The following GOLGA2 variants were observed in gnomAD, a reference collection of about 807,000 sequenced individuals.
GOLGA2 encodes the protein golgin A2.
In GOLGA2, 49 loss-of-function variants were observed where a neutral mutation model predicts 148.8. The observed-to-expected ratio is 0.33, with a 90% CI of 0.26 to 0.42. GOLGA2 has a LOEUF of 0.42. Among genes scored for constraint, GOLGA2 ranks in the 10% least tolerant of loss-of-function variants. The pLI, the probability that GOLGA2 is intolerant of heterozygous loss-of-function variation, is 1.00. For missense variants in GOLGA2, 1,178 were observed against 1,304.6 expected, an observed-to-expected ratio of 0.90 and a Z score of 1.49; for synonymous variants, 501 against 511.8, an observed-to-expected ratio of 0.98 and a Z score of 0.28.
At position 128,258,242 on chromosome 9, in the gene GOLGA2, TG is replaced by T. The variant is rs769005883; in HGVS notation, c.2290-45del. 1 of 1,449,684 alleles carries T rather than the reference TG, an allele frequency of 6.9e-7. No individual in the cohort carries two copies. Among genetic ancestry groups the T allele is most frequent in the East Asian group, 2.4e-5 (1 of 41,646 alleles). 89.8% of individuals were successfully genotyped at this position (1,449,684 alleles called of 1,614,324 possible). A position where few individuals can be genotyped will look rare whatever the true frequency, so the allele number is the denominator to read the frequency against. Reference sequence around the variant, plus strand: ...CATTCTTGTAGGAGGATATATAGGATGAACAGGGCAGGGAGGTAGAGAGCAG... The same window carrying T: ...CATTCTTGTAGGAGGATATATAGGATAACAGGGCAGGGAGGTAGAGAGCAG... On this transcript the variant is annotated intron_variant, in intron 22 of 26. Coordinates refer to ENST00000611957, the MANE Select transcript of GOLGA2 (RefSeq NM_001366244.2). The surrounding 1 kb of genome is among the most constrained non-coding windows in gnomAD (Gnocchi z 6.6).
At chr9:128,267,373 G>A (rs1309541538) in intron 7 of GOLGA2, 85 bp downstream of exon 7, 3 of 1,434,940 alleles carry the variant, frequency 2.1e-6, no homozygotes, top group Admixed American at 1.7e-5. Flanking sequence ...GTCTCAGCTG[G>A]CAGAGGGGCA....
At chr9:128,270,129 A>ATT (rs776425049) in intron 3 of GOLGA2, among the ~76,000 whole-genome samples, 23,126 of 115,044 alleles carry the variant, frequency 0.2, 3,562 homozygotes, top group African/African-American at 0.42. Context: ...GAGGAAGGGA[A>ATT]TTTTTTTTTT....
At chr9:128,270,611 G>A (rs536932066) in intron 3 of GOLGA2, among the ~76,000 whole-genome samples, 7 of 152,090 alleles carry the variant, frequency 4.6e-5, no homozygotes, top group African/African-American at 1.4e-4. Flanking sequence ...CCTACTTCTG[G>A]AAATGTTATC....
chr9:128,266,542 A>G lies in GOLGA2; in HGVS notation c.643-217T>C, dbSNP rs1588487053. On this transcript the variant is annotated intron_variant, in intron 8 of 26. Transcript: ENST00000611957. The surrounding 1 kb of genome is among the most constrained non-coding windows in gnomAD (Gnocchi z 4.2). ...CACAGCCACAGAACTGAAAGTCTGA[A>G]TCTCGATTCTCTTGAAAGGACAGTA... is the stretch of plus-strand genomic sequence containing the variant. The G allele has an allele frequency of 1.7e-6, 1 of 602,032 alleles. No individual in the cohort carries two copies. Among genetic ancestry groups the G allele is most frequent in the East Asian group, 2.8e-5 (1 of 36,116 alleles). The allele number at this position is 602,032 out of a possible 1,614,324, so 37.3% of individuals were successfully genotyped here.
chr9:128,267,886 A>G (rs752767043), intron 6 of GOLGA2, 48 bp downstream of exon 6: 4 of 1,391,750 alleles, frequency 2.9e-6, no homozygotes, highest in South Asian at 2.3e-5. Flanking sequence ...AGTTTCTATC[A>G]TAGTTCCCTT....
intron 1 of GOLGA2, 43 bp from the exon 2 acceptor site, chr9:128,274,015 C>T (rs1389418708): frequency 6.3e-7 from 1 of 1,591,222 alleles, no homozygotes; most frequent in African/African-American, 1.3e-5. Context: ...ATCTACAAGC[C>T]CCCACAGTTA....
At position 128,268,177 on chromosome 9, in the gene GOLGA2, G is replaced by A. The variant is rs542097796; in HGVS notation, c.394-17C>T. 5.6e-4 allele frequency: 896 copies of A among 1,606,080 alleles called. 18 individuals carry two copies. The South Asian group carries it at 9.3e-3, about 17-fold the overall frequency. On this transcript the variant is annotated splice_polypyrimidine_tract_variant and intron_variant, in intron 4 of 26. Coordinates refer to ENST00000611957, the MANE Select transcript of GOLGA2 (RefSeq NM_001366244.2). ...ATCATGATTCTGTTTGGGAAGAAAC[G>A]TGTGAGATGGTCATTCAATTTCTGG...
chr9:128,257,694 T>G lies in GOLGA2; in HGVS notation c.2625A>C (p.Ala875=). 1 of 1,613,970 alleles carries G rather than the reference T, an allele frequency of 6.2e-7. No individual in the cohort carries two copies. The highest frequency in any genetic ancestry group is 8.5e-7 in the Non-Finnish European group (1 of 1,179,888). The stretch of plus-strand genomic sequence containing the variant: ...GCACTGCCCTCTGGCTCTGGTACAG[T>G]GCAATGTACTCTCCTGCGGGAGGAC... ...GETDTIGEYI[A]LYQSQRAVLK... Residue 875 remains alanine (A), a synonymous_variant, in exon 25 of 27, where the codon GCA becomes GCC. Transcript: ENST00000611957. The surrounding 1 kb of genome is among the most constrained non-coding windows in gnomAD (Gnocchi z 8.0).
At position 128,258,039 on chromosome 9, in the gene GOLGA2, C is replaced by A. The variant is rs746477553; in HGVS notation, c.2449G>T (p.Gly817Cys). ...TGGGTCTCCCCACACACAGAATCAC[C>A]CCCGGTCCCTGGGGCTGGGGCTGCT... ...EAAAPAPGTG[G>C]DSVCGETHRA... The change falls in exon 23 of 27, where the codon GGT (glycine) becomes TGT (cysteine). Residue 817 changes from glycine to cysteine, a missense_variant. Around this residue, in one of 5 missense-constraint regions of GOLGA2, gnomAD observed 529 missense variants for 521.8 expected, o/e 1.01. Transcript: ENST00000611957. The surrounding 1 kb of genome is among the most constrained non-coding windows in gnomAD (Gnocchi z 6.6). 1.2e-6 allele frequency: 2 copies of A among 1,612,282 alleles called. No homozygotes were observed. Among genetic ancestry groups the A allele is most frequent in the African/African-American group, 2.7e-5 (2 of 75,030 alleles).
Position 128,258,276 on chromosome 9 carries a change from C to A in GOLGA2, c.2290-78G>T. ...CAGGGAGGTAGAGAGCAGCCCTTCCCTTGGGGCCTCAGAGGGTGCACTTGT... is the reference window on the plus strand; with the variant it reads ...CAGGGAGGTAGAGAGCAGCCCTTCCATTGGGGCCTCAGAGGGTGCACTTGT... On this transcript the variant is annotated intron_variant, in intron 22 of 26. Coordinates refer to ENST00000611957, the MANE Select transcript of GOLGA2 (RefSeq NM_001366244.2). This position sits in a 1 kb window ranked among gnomAD's most constrained non-coding sequence, Gnocchi z 6.6. 1 of 1,238,996 alleles carries A rather than the reference C, an allele frequency of 8.1e-7. No homozygotes were observed. Among genetic ancestry groups the A allele is most frequent in the East Asian group, 2.5e-5 (1 of 40,696 alleles). The allele number at this position is 1,238,996 out of a possible 1,614,324, so 76.8% of individuals were successfully genotyped here.
chr9:128,257,130 G>T lies in GOLGA2; in HGVS notation c.3027C>A (p.Asn1009Lys), dbSNP rs1829916178. ...NPRERPGLGSNPCIPFFYRAD... is the reference protein window; with the variant it reads ...NPRERPGLGSKPCIPFFYRAD... ...CCCGGTAAAAAAAAGGAATGCAGGG[G>T]TTGCTGCCCAAGCCTGGGCGCTCCC... Residue 1009 changes from asparagine (N) to lysine (K), a missense_variant, in exon 27 of 27, where the codon AAC becomes AAA. Asn to Lys is a moderately conservative substitution (Grantham distance 94). Around this residue, in one of 5 missense-constraint regions of GOLGA2, gnomAD observed 149 missense variants for 154.9 expected, o/e 0.96. Coordinates refer to ENST00000611957, the MANE Select transcript of GOLGA2 (RefSeq NM_001366244.2). This position sits in a 1 kb window ranked among gnomAD's most constrained non-coding sequence, Gnocchi z 8.0. 6.2e-7 allele frequency: 1 copy of T among 1,614,036 alleles called. No individual in the cohort carries two copies. The highest frequency in any genetic ancestry group is 1.3e-5 in the African/African-American group (1 of 74,934).
Position 128,257,372 on chromosome 9 carries a change from C to G in GOLGA2, c.2872G>C (p.Gly958Arg). The G allele has an allele frequency of 1.2e-6, 2 of 1,613,128 alleles. No individual in the cohort carries two copies. Among genetic ancestry groups the G allele is most frequent in the Non-Finnish European group, 1.7e-6 (2 of 1,180,004 alleles). ...PQELGAANQQ[G>R]DLCEVSLAGS... ...CCCTCCCGAGGGCTCTACTCACCAC[C>G]CTGCTGGTTGGCAGCCCCAAGTTCC... is the stretch of plus-strand genomic sequence containing the variant. The change falls in exon 26 of 27, where the codon GGT becomes CGT. Residue 958 changes from glycine to arginine, a missense_variant. By Grantham distance (125) the Gly-to-Arg change is moderately radical. Transcript: ENST00000611957. This position sits in a 1 kb window ranked among gnomAD's most constrained non-coding sequence, Gnocchi z 8.0.
At chr9:128,267,679 C>G (rs901804550) in intron 6 of GOLGA2, among the ~76,000 whole-genome samples, 162 bp from the exon 7 acceptor site, 1 of 152,178 alleles carries the variant, frequency 6.6e-6, no homozygotes, top group African/African-American at 2.4e-5. Flanking sequence ...CTTATTTCCC[C>G]ACCATCCTTT....
At chr9:128,262,932 C>G (rs1830360784) in intron 13 of GOLGA2, 102 bp downstream of exon 13, 2 of 887,640 alleles carry the variant, frequency 2.3e-6, no homozygotes, top group Non-Finnish European at 3.8e-6. Flanking sequence ...ACATGCACAC[C>G]TCTATGACTA....
At chr9:128,267,301 TGGA>T (rs762873912) in intron 7 of GOLGA2, 27 bp from the exon 8 acceptor site, 10 of 1,529,708 alleles carry the variant, frequency 6.5e-6, no homozygotes, top group East Asian at 4.5e-5. Flanking sequence ...GAGGAGGAGT[TGGA>T]GGAGGATTGG....
At position 128,260,553 on chromosome 9, in the gene GOLGA2, T is replaced by C. The variant is rs1830198086; in HGVS notation, c.1670A>G (p.Asn557Ser). Reference protein sequence around the residue: ...ARRQILETMQNDRTTISRALS... With the variant: ...ARRQILETMQSDRTTISRALS... ...TGCGCGGCTGATGGTAGTGCGGTCG[T>C]TCTGCATGGTCTCCAGGATTTGCCT... The change falls in exon 18 of 27, where the codon AAC becomes AGC. Residue 557 changes from asparagine (N) to serine (S), a missense_variant. Physicochemically the swap from Asn to Ser is conservative, Grantham distance 46 (BLOSUM62 1). This residue lies in a region of GOLGA2 where 529 missense variants were observed against 521.8 expected (regional missense o/e 1.01). Transcript: ENST00000611957. The surrounding 1 kb of genome is among the most constrained non-coding windows in gnomAD (Gnocchi z 4.8). 1.9e-6 allele frequency: 3 copies of C among 1,612,850 alleles called. No homozygotes were observed. The highest frequency in any genetic ancestry group is 2.5e-6 in the Non-Finnish European group (3 of 1,180,012).
In GOLGA2 at chr9:128,275,951, G is replaced by A. The variant is rs374049328; in HGVS notation, c.26C>T (p.Pro9Leu). 6.3e-7 allele frequency: 1 copy of A among 1,595,724 alleles called. No individual in the cohort carries two copies. Among genetic ancestry groups the A allele is most frequent in the Admixed American group, 1.8e-5 (1 of 54,490 alleles). MWPQPRLP[P>L]RPAMSEETRQ... The stretch of plus-strand genomic sequence containing the variant: ...GGTTTCTTCCGACATCGCGGGGCGG[G>A]GAGGGAGGCGGGGTTGGGGCCACAT... Residue 9 changes from proline to leucine, a missense_variant, in exon 1 of 27, where the codon CCC becomes CTC. Pro to Leu is a moderately conservative substitution (Grantham distance 98). Around this residue, in one of 5 missense-constraint regions of GOLGA2, gnomAD observed 158 missense variants for 156.6 expected, o/e 1.01. Coordinates refer to ENST00000611957, the MANE Select transcript of GOLGA2 (RefSeq NM_001366244.2).
intron 13 of GOLGA2, 88 bp downstream of exon 13, chr9:128,262,946 C>A: frequency 1.1e-6 from 1 of 941,112 alleles, no homozygotes; most frequent in Non-Finnish European, 1.7e-6. Flanking sequence ...ATGACTACCT[C>A]ATCATGCTTA....
chr9:128,257,615 T>C lies in GOLGA2; in HGVS notation c.2704A>G (p.Lys902Glu), dbSNP rs1270350012. Residue 902 changes from lysine (K) to glutamate (E), a missense_variant, in exon 25 of 27, where the codon AAG (lysine) becomes GAG (glutamate). Lys to Glu is a moderately conservative substitution (Grantham distance 56). Around this residue, in one of 5 missense-constraint regions of GOLGA2, gnomAD observed 38 missense variants for 67.3 expected, o/e 0.56. Transcript: ENST00000611957. This position sits in a 1 kb window ranked among gnomAD's most constrained non-coding sequence, Gnocchi z 8.0. Reference protein sequence around the residue: ...EEYISRLAQDKEEMKVKLLEL... With the variant: ...EEYISRLAQDEEEMKVKLLEL... ...CCACACCCTACCTTCATCTCCTCCT[T>C]GTCTTGGGCCAGCCTGCTGATGTAC... 1.2e-6 allele frequency: 2 copies of C among 1,614,100 alleles called. No homozygotes were observed. Among genetic ancestry groups the C allele is most frequent in the South Asian group, 1.1e-5 (1 of 91,080 alleles).
Sources: allele counts gnomAD v4.1 joint callset (sites outside exome capture counted in the v4.1 genomes callset), GRCh38; gene constraint gnomAD v4.1.1; regional missense constraint gnomAD v4.1.1; non-coding constraint Gnocchi (gnomAD v3.1); transcripts MANE v1.5; gene names NCBI Gene and HGNC (gene_info 2026-07-23, HGNC 2026-07-21).